ZNF616: variants seen among roughly 807,000 people sequenced by gnomAD.
ZNF616 encodes the protein zinc finger protein 616.
Under a neutral mutation model 7.6 loss-of-function variants are expected in ZNF616, and 5 were observed. That is an observed-to-expected ratio of 0.66 (90% CI 0.34 to 1.38). ZNF616 has a LOEUF of 1.38. Ranked by LOEUF, ZNF616 falls within the 40% of genes most tolerant of loss-of-function variation. ZNF616 has a pLI of 0.04. For synonymous variants in ZNF616, 319 were observed against 317.2 expected, an observed-to-expected ratio of 1.01 and a Z score of -0.06; for missense variants, 913 against 948.3, an observed-to-expected ratio of 0.96 and a Z score of 0.49.
intron 2 of ZNF616, 125 bp from the exon 3 acceptor site, chr19:52,124,174 G>C: frequency 8.2e-7 from 1 of 1,223,928 alleles, no homozygotes; most frequent in Non-Finnish European, 1.1e-6. Flanking sequence ...GCATCTGTGA[G>C]AAAGTTATTG....
In ZNF616 at chr19:52,120,640, G is replaced by A. The variant is rs73937269; in HGVS notation, c.139+3283C>T. ...TGAAAAAAGATATCCCTTATAAATG[G>A]TAATAGAAAGACATCGGAGGTGGCT... On this transcript the variant is annotated intron_variant, in intron 3 of 3. Coordinates refer to ENST00000600228, the MANE Select transcript of ZNF616 (RefSeq NM_178523.5). Among the ~76,000 whole-genome samples the A allele has an allele frequency of 9.2e-3, 1,405 of 152,252 alleles. 28 individuals carry two copies. The highest frequency in any genetic ancestry group is 0.032 in the African/African-American group (1,333 of 41,550).
chr19:52,114,213 T>C lies in ZNF616; in HGVS notation c.*605A>G, dbSNP rs2088794118. 1 of 152,160 alleles carries C rather than the reference T, an allele frequency of 6.6e-6. No homozygotes were observed. The highest frequency in any genetic ancestry group is 2.1e-4 in the South Asian group (1 of 4,826). 9.4% of individuals were successfully genotyped at this position (152,160 alleles called of 1,614,324 possible). A position where few individuals can be genotyped will look rare whatever the true frequency, so the allele number is the denominator to read the frequency against. On this transcript the variant is annotated 3_prime_UTR_variant, in exon 4 of 4. Transcript: ENST00000600228. ...AGATTTACAAGTTCTGGCTTTTGAGTAGAATTCTTGCCACACGTATTACAC... is the reference window on the plus strand; with the variant it reads ...AGATTTACAAGTTCTGGCTTTTGAGCAGAATTCTTGCCACACGTATTACAC...
At chr19:52,137,577 T>A (rs1159940672) in intron 1 of ZNF616, among the ~76,000 whole-genome samples, 2 of 152,038 alleles carry the variant, frequency 1.3e-5, no homozygotes, top group Non-Finnish European at 2.9e-5. Context: ...AAAGTCCAAT[T>A]CATAGTAATA....
chr19:52,130,488 A>G lies in ZNF616; in HGVS notation c.12+13T>C, dbSNP rs375060804. On this transcript the variant is annotated intron_variant, in intron 2 of 3. Coordinates refer to ENST00000600228, the MANE Select transcript of ZNF616 (RefSeq NM_178523.5). ...CAAGAATATCACTTCACTTGAGTAA[A>G]GTATCACTCTACCTGAGTAGCCATC... is the stretch of plus-strand genomic sequence containing the variant. 9 of 1,606,840 alleles carry G rather than the reference A, an allele frequency of 5.6e-6. No individual in the cohort carries two copies. The highest frequency in any genetic ancestry group is 1.6e-4 in the Middle Eastern group (1 of 6,076).
chr19:52,127,775 T>C (rs111284563), intron 2 of ZNF616, among the ~76,000 whole-genome samples: 3 of 152,300 alleles, frequency 2.0e-5, no homozygotes, highest in African/African-American at 7.2e-5. Context: ...GATCCATATG[T>C]CTTCATTTAG....
chr19:52,116,866 G>C lies in ZNF616; in HGVS notation c.298C>G (p.Gln100Glu). 6.2e-7 allele frequency: 1 copy of C among 1,613,700 alleles called. No individual in the cohort carries two copies. Among genetic ancestry groups the C allele is most frequent in the Non-Finnish European group, 8.5e-7 (1 of 1,179,902 alleles). ...IQKHLHDLEF[Q>E]WKDGETNDKE... ...TCATTTGTTTCACCATCTTTCCATT[G>C]AAATTCAAGGTCATGTAGATGTTTC... The change falls in exon 4 of 4, where the codon CAA becomes GAA. Residue 100 changes from glutamine to glutamate, a missense_variant. Physicochemically the swap from Gln to Glu is conservative, Grantham distance 29. Transcript: ENST00000600228.
Position 52,113,526 on chromosome 19 carries a change from G to A in ZNF616, c.*1292C>T, listed in dbSNP as rs1350219245. On this transcript the variant is annotated 3_prime_UTR_variant, in exon 4 of 4. Coordinates refer to ENST00000600228, the MANE Select transcript of ZNF616 (RefSeq NM_178523.5). ...TGTTACATAGGAAAATGTGTGCCAT[G>A]GTGGTTTGCTGCATCTACCAACCCA... 1.3e-5 allele frequency: 2 copies of A among 152,160 alleles called. No individual in the cohort carries two copies. The highest frequency in any genetic ancestry group is 2.9e-5 in the Non-Finnish European group (2 of 68,038). The allele number at this position is 152,160 out of a possible 1,614,324, so 9.4% of individuals were successfully genotyped here.
chr19:52,114,952 T>C lies in ZNF616; in HGVS notation c.2212A>G (p.Ile738Val). ...RLFSLSKHQRIHSGKKPYKCN... is the reference protein window; with the variant it reads ...RLFSLSKHQRVHSGKKPYKCN... ...TTATAAGGTTTTTTGCCAGAATGAA[T>C]TCTTTGGTGTTTGCTGAGGGAAAAC... The change falls in exon 4 of 4, where the codon ATT becomes GTT. Residue 738 changes from isoleucine to valine, a missense_variant. Ile to Val is a conservative substitution (Grantham distance 29). Transcript: ENST00000600228. The C allele has an allele frequency of 6.2e-7, 1 of 1,614,188 alleles. No individual in the cohort carries two copies. Among genetic ancestry groups the C allele is most frequent in the Non-Finnish European group, 8.5e-7 (1 of 1,180,034 alleles).
At chr19:52,125,264 G>A (rs1014172795) in intron 2 of ZNF616, among the ~76,000 whole-genome samples, 9 of 152,150 alleles carry the variant, frequency 5.9e-5, no homozygotes, top group African/African-American at 2.2e-4. Context: ...AATCAGATAT[G>A]GGTGAGACTC....
rs767753998 is a variant in ZNF616 at position 52,115,738 on chromosome 19, T to C, written c.1426A>G (p.Ile476Val). The C allele has an allele frequency of 3.1e-6, 5 of 1,614,122 alleles. No homozygotes were observed. In the South Asian group the frequency reaches 4.4e-5, roughly 14 times the overall value. The part of the protein sequence containing the change: ...KCNECGKVFS[I>V]HSRLAAHQRI... ...TGATGAGCTGCAAGTCGTGAATGTATGCTGAAAACTTTGCCACATTCATTG... is the reference window on the plus strand; with the variant it reads ...TGATGAGCTGCAAGTCGTGAATGTACGCTGAAAACTTTGCCACATTCATTG... The change falls in exon 4 of 4, where the codon ATA (isoleucine) becomes GTA (valine). Residue 476 changes from isoleucine (I) to valine (V), a missense_variant. Coordinates refer to ENST00000600228, the MANE Select transcript of ZNF616 (RefSeq NM_178523.5).
rs372317248 is a variant in ZNF616, at chr19:52,135,598, C to T, written c.-77+4134G>A. Among the ~76,000 whole-genome samples, 9 of 152,296 alleles carry T rather than the reference C, an allele frequency of 5.9e-5. No individual in the cohort carries two copies. The East Asian group carries it at 1.4e-3, about 23-fold the overall frequency. Reference sequence around the variant, plus strand: ...GGGTTCCATGCCCTCAGGACCAATGCACCACCACTCCAGCTGCCCACTCTC... The same window carrying T: ...GGGTTCCATGCCCTCAGGACCAATGTACCACCACTCCAGCTGCCCACTCTC... On this transcript the variant is annotated intron_variant, in intron 1 of 3. Coordinates refer to ENST00000600228, the MANE Select transcript of ZNF616 (RefSeq NM_178523.5).
chr19:52,119,268 G>A (rs939469545), intron 3 of ZNF616, among the ~76,000 whole-genome samples: 6 of 151,856 alleles, frequency 4.0e-5, no homozygotes, highest in South Asian at 2.1e-4. Flanking sequence ...TCCCAGCTAC[G>A]TGGGAGGCTG....
At chr19:52,134,423 TAATC>T (rs2088990192) in intron 1 of ZNF616, among the ~76,000 whole-genome samples, 1 of 152,142 alleles carries the variant, frequency 6.6e-6, no homozygotes, top group Admixed American at 6.5e-5. Flanking sequence ...CCTAGCAAAT[TAATC>T]AAACCTTTGG....
chr19:52,115,172 A>C lies in ZNF616; in HGVS notation c.1992T>G (p.Asn664Lys), dbSNP rs140072559. ...VHTGDRPYKC[N>K]ECGKTFKRSS... is the part of the protein sequence containing the mutation. ...TCCGTTTAAAGGTTTTGCCACACTC[A>C]TTACATTTGTAAGGTCTGTCTCCAG... is the stretch of plus-strand genomic sequence containing the variant. The change falls in exon 4 of 4, where the codon AAT becomes AAG. Residue 664 changes from asparagine to lysine, a missense_variant. Physicochemically the swap from Asn to Lys is moderately conservative, Grantham distance 94. Coordinates refer to ENST00000600228, the MANE Select transcript of ZNF616 (RefSeq NM_178523.5). 1 of 1,614,164 alleles carries C rather than the reference A, an allele frequency of 6.2e-7. No individual in the cohort carries two copies. Among genetic ancestry groups the C allele is most frequent in the Admixed American group, 1.7e-5 (1 of 60,028 alleles).
chr19:52,133,729 T>C (rs2122171970), intron 1 of ZNF616, among the ~76,000 whole-genome samples: 1 of 152,284 alleles, frequency 6.6e-6, no homozygotes, highest in East Asian at 1.9e-4. Flanking sequence ...GTCAGGCTGG[T>C]TGCGAACTCC....
intron 1 of ZNF616, chr19:52,138,912 C>A (rs906688905): frequency 6.6e-6 from 1 of 152,418 alleles, no homozygotes; most frequent in African/African-American, 2.4e-5. Flanking sequence ...ACCTTTTCCG[C>A]CCCCCGCGTC....
chr19:52,130,399 C>T, intron 2 of ZNF616, 102 bp downstream of exon 2: 4 of 1,055,198 alleles, frequency 3.8e-6, no homozygotes, highest in Non-Finnish European at 6.0e-6. Flanking sequence ...ACACTTCAGA[C>T]TCAGAGAAGA....
At chr19:52,122,923 C>T (rs1041990431) in intron 3 of ZNF616, among the ~76,000 whole-genome samples, 8 of 152,094 alleles carry the variant, frequency 5.3e-5, no homozygotes, top group Non-Finnish European at 1.0e-4. Flanking sequence ...CGTGAGCCAC[C>T]GTGCCCGGTC....
intron 3 of ZNF616, among the ~76,000 whole-genome samples, 181 bp downstream of exon 3, chr19:52,123,742 G>A (rs2122154192): frequency 6.6e-6 from 1 of 152,314 alleles, no homozygotes; most frequent in African/African-American, 2.4e-5. Context: ...TACAAAGAAG[G>A]CAGCAGAATA....
Sources: gnomAD v4.1 joint callset for allele counts (sites outside exome capture counted in the v4.1 genomes callset) on GRCh38, gnomAD v4.1.1 for gene constraint, MANE v1.5 for transcripts, NCBI Gene and HGNC (gene_info 2026-07-23, HGNC 2026-07-21) for gene names.